Variants in RGS7 observed in about 807,000 individuals in gnomAD.
The protein encoded by RGS7 is regulator of G-protein signaling 7.
RGS7 carries 27 observed loss-of-function variants against 81.1 expected under a neutral mutation model. That is an observed-to-expected ratio of 0.33 (90% CI 0.25 to 0.46). The LOEUF (loss-of-function observed/expected upper bound fraction) is 0.46, where lower values mean the gene tolerates loss of function less well. RGS7 is among the 20% of genes least tolerant of loss of function. The probability of loss-of-function intolerance (pLI) is 1.00; values close to 1 mark genes in which losing one functional copy is unlikely to be tolerated. For synonymous variants in RGS7, 208 were observed against 207.7 expected, an observed-to-expected ratio of 1.00 and a Z score of -0.01; for missense variants, 396 against 607.4, an observed-to-expected ratio of 0.65 and a Z score of 3.66.
chr1:241,171,044 A>C (rs966869781), intron 2 of RGS7, among the ~76,000 whole-genome samples: 1 of 152,184 alleles, frequency 6.6e-6, no homozygotes, highest in Admixed American at 6.5e-5. Flanking sequence ...CAGGAAAAAA[A>C]TTATTGCTTT....
intron 4 of RGS7, among the ~76,000 whole-genome samples, chr1:240,972,708 AAAC>A (rs1440211431): frequency 7.8e-4 from 30 of 38,268 alleles, no homozygotes; most frequent in African/African-American, 1.6e-3. Context: ...AAAAAAAAAA[AAAC>A]AAAAAAAAAA....
chr1:241,106,867 GT>G (rs532538212), intron 2 of RGS7, among the ~76,000 whole-genome samples: 14 of 146,896 alleles, frequency 9.5e-5, no homozygotes, highest in Admixed American at 2.7e-4. Context: ...TAAAGTAGAG[GT>G]TTTTTTTCTA....
intron 2 of RGS7, among the ~76,000 whole-genome samples, chr1:241,146,067 C>A (rs1409466548): frequency 6.6e-6 from 1 of 152,132 alleles, no homozygotes; most frequent in Non-Finnish European, 1.5e-5. Context: ...CAGCTCAGCT[C>A]TGTGGAGAGT....
intron 2 of RGS7, among the ~76,000 whole-genome samples, chr1:241,260,753 C>A (rs1351077997): frequency 6.6e-6 from 1 of 152,082 alleles, no homozygotes; most frequent in Non-Finnish European, 1.5e-5. Flanking sequence ...CATCCTACTG[C>A]TCTAGCCTCT....
chr1:241,153,099 G>A (rs181013948), intron 2 of RGS7, among the ~76,000 whole-genome samples: 9 of 152,226 alleles, frequency 5.9e-5, no homozygotes, highest in Non-Finnish European at 1.2e-4. Context: ...GCATCACTAA[G>A]AGTAAACATT....
chr1:240,932,717 C>G (rs1359548297), intron 5 of RGS7, among the ~76,000 whole-genome samples: 5 of 149,974 alleles, frequency 3.3e-5, no homozygotes, highest in South Asian at 4.2e-4. Flanking sequence ...ACCGTGTTAG[C>G]CAGGATGGTC....
chr1:241,125,306 T>C (rs1261847005), intron 2 of RGS7, among the ~76,000 whole-genome samples: 1 of 152,206 alleles, frequency 6.6e-6, no homozygotes, highest in African/African-American at 2.4e-5. Context: ...CTAGAATTCA[T>C]GTAATATTTA....
chr1:241,306,127 TTCA>T (rs2080101297), intron 2 of RGS7, among the ~76,000 whole-genome samples: 1 of 85,546 alleles, frequency 1.2e-5, no homozygotes, highest in Non-Finnish European at 2.6e-5. Flanking sequence ...TCATCTCTTT[TTCA>T]CACACACACA....
chr1:241,270,860 A>G (rs1450125124), intron 2 of RGS7, among the ~76,000 whole-genome samples: 24 of 150,418 alleles, frequency 1.6e-4, no homozygotes, highest in Non-Finnish European at 5.9e-5. Flanking sequence ...CCGGGTTCAC[A>G]CCATTCTCCT....
chr1:240,863,990 C>G lies in RGS7; in HGVS notation c.609+4597G>C, dbSNP rs375630545. ...CTTACCTGCCTGGACCCACACCACC[C>G]CCTAGTTCCAGGCCTGGCTCTCCCA... On this transcript the variant is annotated intron_variant, in intron 9 of 18. Coordinates refer to ENST00000440928, the MANE Select transcript of RGS7 (RefSeq NM_001364886.1). Among the ~76,000 whole-genome samples the G allele has an allele frequency of 1.8e-4, 28 of 152,238 alleles. 3 individuals carry two copies. The highest frequency in any genetic ancestry group is 6.5e-4 in the Admixed American group (10 of 15,292).
intron 17 of RGS7, 143 bp from the exon 18 acceptor site, chr1:240,800,864 C>T (rs990814567): frequency 4.6e-6 from 2 of 433,308 alleles, no homozygotes; most frequent in Non-Finnish European, 8.3e-6. Context: ...TAAGAAAACA[C>T]TGGTAGGAAA....
intron 6 of RGS7, among the ~76,000 whole-genome samples, chr1:240,880,838 T>A (rs1438010809): frequency 6.6e-6 from 1 of 152,122 alleles, no homozygotes; most frequent in Non-Finnish European, 1.5e-5. Context: ...TTCAAATGAG[T>A]AGTGTGTGGT....
At chr1:241,249,658 A>G (rs764152494) in intron 2 of RGS7, among the ~76,000 whole-genome samples, 1 of 152,074 alleles carries the variant, frequency 6.6e-6, no homozygotes, top group Non-Finnish European at 1.5e-5. Flanking sequence ...CTTTTGGGGG[A>G]GCACTGACAT....
intron 2 of RGS7, among the ~76,000 whole-genome samples, chr1:241,181,676 C>G (rs779703297): frequency 6.6e-6 from 1 of 152,206 alleles, no homozygotes; most frequent in South Asian, 2.1e-4. Flanking sequence ...CAAGGCTATA[C>G]AGGGAGGGAG....
At chr1:241,215,412 C>T (rs1419280279) in intron 2 of RGS7, among the ~76,000 whole-genome samples, 1 of 152,200 alleles carries the variant, frequency 6.6e-6, no homozygotes, top group East Asian at 1.9e-4. Context: ...CTCTGTTAGG[C>T]TCTTTCAGCC....
intron 3 of RGS7, among the ~76,000 whole-genome samples, chr1:241,011,549 G>A (rs568210849): frequency 1.6e-4 from 24 of 152,256 alleles, no homozygotes; most frequent in South Asian, 1.2e-3. Flanking sequence ...AAAGGCATTC[G>A]AACCAGAGTG....
intron 18 of RGS7, among the ~76,000 whole-genome samples, chr1:240,781,475 A>AG (rs1395935795): frequency 2.0e-5 from 3 of 152,110 alleles, no homozygotes; most frequent in Non-Finnish European, 4.4e-5. Context: ...GTGTGGTGGC[A>AG]GGTGCCTGCA....
chr1:240,910,191 C>T (rs772902930), intron 6 of RGS7, among the ~76,000 whole-genome samples: 3 of 152,174 alleles, frequency 2.0e-5, no homozygotes, highest in Non-Finnish European at 4.4e-5. Context: ...CATCAAGTTT[C>T]GGTTCCTCAA....
intron 2 of RGS7, among the ~76,000 whole-genome samples, chr1:241,153,084 T>C (rs2068867743): frequency 6.6e-6 from 1 of 152,250 alleles, no homozygotes; most frequent in Non-Finnish European, 1.5e-5. Context: ...ACATTTCCCA[T>C]ACGAGCATCA....
Sources: allele counts gnomAD v4.1 joint callset (sites outside exome capture counted in the v4.1 genomes callset), GRCh38; gene constraint gnomAD v4.1.1; transcripts MANE v1.5; gene names NCBI Gene and HGNC (gene_info 2026-07-23, HGNC 2026-07-21).